Variants in GPR143 observed in about 807,000 individuals in gnomAD.
The protein encoded by GPR143 is G protein-coupled receptor 143, also known as G-protein coupled receptor 143.
GPR143 carries 8 observed loss-of-function variants against 27.6 expected under a neutral mutation model. The ratio of observed to expected loss-of-function variants is 0.29; its 90% confidence interval spans 0.17 to 0.52. The LOEUF (loss-of-function observed/expected upper bound fraction) is 0.52. Ranked by LOEUF, GPR143 falls within the 20% of genes least tolerant of loss-of-function variation. The probability of loss-of-function intolerance (pLI) is 0.96; values close to 1 mark genes in which losing one functional copy is unlikely to be tolerated. For missense variants in GPR143, 303 were observed against 343.1 expected, an observed-to-expected ratio of 0.88 and a Z score of 0.92; for synonymous variants, 156 against 153.2, an observed-to-expected ratio of 1.02 and a Z score of -0.13.
At chrX:9,774,855 TG>T (rs2083566069) in intron 1 of GPR143, among the ~76,000 whole-genome samples, 6 of 111,278 alleles carry the variant, frequency 5.4e-5, no homozygotes, top group African/African-American at 2.0e-4. Flanking sequence ...TTTTTTTAAT[TG>T]TTTTTTTGTT....
chrX:9,770,358 G>GAGA (rs1569127514), upstream of GPR143, among the ~76,000 whole-genome samples: 5 of 76,587 alleles, frequency 6.5e-5, no homozygotes, highest in African/African-American at 2.8e-4. Flanking sequence ...AGAGAGAGAG[G>GAGA]AAGACCAGCC....
At chrX:9,729,651 C>G (rs2083344511) in intron 8 of GPR143, among the ~76,000 whole-genome samples, 1 of 112,160 alleles carries the variant, frequency 8.9e-6, no homozygotes, top group African/African-American at 3.2e-5. Context: ...GAGCAAGTCT[C>G]TGAGAAGATA....
chrX:9,742,933 C>A (rs753729132), intron 6 of GPR143, among the ~76,000 whole-genome samples: 1 of 111,104 alleles, frequency 9.0e-6, no homozygotes. Flanking sequence ...ATGGTGAAAC[C>A]TCAACTCTAC....
chrX:9,778,140 C>T (rs747065134), intron 1 of GPR143, among the ~76,000 whole-genome samples: 1 of 111,726 alleles, frequency 9.0e-6, no homozygotes, highest in South Asian at 3.7e-4. Context: ...AAGCGGCTTA[C>T]AAGAAATGTT....
In GPR143 at chrX:9,740,335, T is replaced by C. The variant is rs780318454; in HGVS notation, c.886-616A>G. Reference sequence around the variant, plus strand: ...CCACGTGCAGGGATGGAAGGACCGGTGCTGGCTCCATTTGAAAGTCTTTGT... The same window carrying C: ...CCACGTGCAGGGATGGAAGGACCGGCGCTGGCTCCATTTGAAAGTCTTTGT... On this transcript the variant is annotated intron_variant, in intron 7 of 8. Transcript: ENST00000467482. Among the ~76,000 whole-genome samples the C allele has an allele frequency of 2.9e-4, 33 of 112,748 alleles. No individual in the cohort carries two copies. The South Asian group carries it at 0.011, about 38-fold the overall frequency.
In GPR143 at chrX:9,778,491, G is replaced by A. The variant is rs181305890; in HGVS notation, c.-3+7751C>T. Among the ~76,000 whole-genome samples the A allele has an allele frequency of 9.1e-5, 10 of 110,271 alleles. No individual in the cohort carries two copies. The East Asian group carries it at 2.6e-3, about 28-fold the overall frequency. ...GAAGGGTGGGATGAGGTGGCAGGAA[G>A]GAGAAAAAAGAGAGAGATAGGTGTA... On this transcript the variant is annotated intron_variant, in intron 1 of 7. Transcript: ENST00000447366.
chrX:9,726,213 T>G (rs992485036), intron 8 of GPR143, among the ~76,000 whole-genome samples: 1 of 110,670 alleles, frequency 9.0e-6, no homozygotes, highest in Non-Finnish European at 1.9e-5. Flanking sequence ...AACACACTCT[T>G]GTGACCACTG....
At chrX:9,752,415 A>G (rs1381739363) in intron 3 of GPR143, among the ~76,000 whole-genome samples, 2 of 111,763 alleles carry the variant, frequency 1.8e-5, no homozygotes, top group African/African-American at 6.5e-5. Context: ...TGATAGCCCA[A>G]ATACATTTCC....
chrX:9,746,482 A>T (rs1601879163), intron 4 of GPR143, among the ~76,000 whole-genome samples: 1 of 110,553 alleles, frequency 9.0e-6, no homozygotes, highest in East Asian at 2.9e-4. Context: ...CTGGGTCTCA[A>T]GGAAAAAACG....
intron 1 of GPR143, among the ~76,000 whole-genome samples, chrX:9,771,448 G>A (rs1224648078): frequency 2.7e-5 from 3 of 110,877 alleles, no homozygotes; most frequent in South Asian, 7.6e-4. Context: ...GTGCATTCGC[G>A]TGCAGATCTT....
intron 1 of GPR143, among the ~76,000 whole-genome samples, chrX:9,777,075 A>G (rs1223987521): frequency 8.9e-6 from 1 of 112,312 alleles, no homozygotes; most frequent in East Asian, 2.8e-4. Context: ...AGGAATGGGC[A>G]TGGTGTTGTG....
At chrX:9,764,301 T>C (rs940732089) in intron 1 of GPR143, among the ~76,000 whole-genome samples, 1 of 110,746 alleles carries the variant, frequency 9.0e-6, no homozygotes, top group African/African-American at 3.3e-5. Flanking sequence ...AAAAACAAAA[T>C]CATTAATTTT....
At chrX:9,748,515 A>G in intron 4 of GPR143, 59 bp downstream of exon 4, 1 of 784,646 alleles carries the variant, frequency 1.3e-6, no homozygotes, top group Non-Finnish European at 2.0e-6. Context: ...TATTCCCTGC[A>G]AGACAACACA....
At chrX:9,767,375 T>C (rs765509542), upstream of GPR143, among the ~76,000 whole-genome samples, 3 of 111,446 alleles carry the variant, frequency 2.7e-5, no homozygotes, top group African/African-American at 9.8e-5. Flanking sequence ...TGGGTTTTTT[T>C]CAAGCAACCA....
At chrX:9,758,333 G>T (rs1310275655) in intron 3 of GPR143, among the ~76,000 whole-genome samples, 1 of 111,809 alleles carries the variant, frequency 8.9e-6, no homozygotes, top group Non-Finnish European at 1.9e-5. Flanking sequence ...ATATACAGGG[G>T]TTATCACATT....
At chrX:9,725,980 CAAAAAAAA>C (rs35066814) in intron 8 of GPR143, 140 bp from the exon 9 acceptor site, 90 of 353,650 alleles carry the variant, frequency 2.5e-4, no homozygotes, top group Middle Eastern at 1.7e-3. Context: ...ATCTCATCTG[CAAAAAAAA>C]AAAAAAAAAA....
intron 1 of GPR143, among the ~76,000 whole-genome samples, chrX:9,772,896 A>G (rs2083559275): frequency 9.1e-6 from 1 of 109,951 alleles, no homozygotes; most frequent in African/African-American, 3.3e-5. Context: ...CATATAGCTC[A>G]GAGTTGAAAC....
chrX:9,773,545 CATATCTACA>C (rs1388905526), intron 1 of GPR143, among the ~76,000 whole-genome samples: 6 of 110,847 alleles, frequency 5.4e-5, no homozygotes, highest in Admixed American at 9.7e-5. Context: ...ACTTTTTCGT[CATATCTACA>C]AACAAAATTG....
chrX:9,744,245 G>A (rs982334607), intron 5 of GPR143, among the ~76,000 whole-genome samples: 2 of 111,516 alleles, frequency 1.8e-5, no homozygotes, highest in African/African-American at 6.5e-5. Flanking sequence ...GCTGGTGCAC[G>A]AGAATCCCTT....
Sources: allele counts gnomAD v4.1 joint callset (sites outside exome capture counted in the v4.1 genomes callset), GRCh38; gene constraint gnomAD v4.1.1; transcripts MANE v1.5; gene names NCBI Gene and HGNC (gene_info 2026-07-23, HGNC 2026-07-21).